Variants in CSMD3 observed in about 807,000 individuals in gnomAD.
The protein encoded by CSMD3 is CUB and Sushi multiple domains 3.
In CSMD3, 177 loss-of-function variants were observed where a neutral mutation model predicts 435.2. The ratio of observed to expected loss-of-function variants is 0.41; its 90% CI spans 0.36 to 0.46. The LOEUF is 0.46. CSMD3 is among the 20% of genes least tolerant of loss of function. The pLI, the probability that CSMD3 is intolerant of heterozygous loss-of-function variation, is 0.34. For missense variants in CSMD3, 4,265 were observed against 4,504.6 expected (o/e 0.95, Z 1.52); for synonymous variants, 1,656 against 1,520.5 (o/e 1.09, Z -2.07).
chr8:113,138,942 GT>G (rs1452861990), intron 4 of CSMD3, among the ~76,000 whole-genome samples: 2 of 150,724 alleles, frequency 1.3e-5, no homozygotes, highest in Non-Finnish European at 3.0e-5. Flanking sequence ...ATTGTATTAT[GT>G]TTACAAATAC....
chr8:112,722,603 G>C (rs1158180590), intron 13 of CSMD3, among the ~76,000 whole-genome samples: 1 of 152,024 alleles, frequency 6.6e-6, no homozygotes, highest in Non-Finnish European at 1.5e-5. Flanking sequence ...AGTGTAGGAG[G>C]GAGAAAGAGT....
intron 12 of CSMD3, among the ~76,000 whole-genome samples, chr8:112,811,282 T>C (rs1223425790): frequency 6.6e-6 from 1 of 152,048 alleles, no homozygotes; most frequent in Non-Finnish European, 1.5e-5. Context: ...AAAAATTTTC[T>C]TGAAATTATA....
At chr8:113,156,777 T>TACAA (rs143875565) in intron 4 of CSMD3, among the ~76,000 whole-genome samples, 1,844 of 144,618 alleles carry the variant, frequency 0.013, 49 homozygotes, top group Middle Eastern at 0.017. Context: ...AATAAATAAA[T>TACAA]AAAGTTAGCC....
chr8:112,791,588 T>C (rs1053753088), intron 13 of CSMD3, among the ~76,000 whole-genome samples: 1 of 152,156 alleles, frequency 6.6e-6, no homozygotes, highest in Non-Finnish European at 1.5e-5. Flanking sequence ...TGATGAGTAG[T>C]ATTCTATTGT....
At chr8:113,130,965 AT>A (rs1224536885) in intron 4 of CSMD3, among the ~76,000 whole-genome samples, 1 of 152,156 alleles carries the variant, frequency 6.6e-6, no homozygotes, top group Non-Finnish European at 1.5e-5. Context: ...GGAACTTTGA[AT>A]TTGAGAGAGA....
At chr8:113,382,476 T>C (rs1193408503) in intron 1 of CSMD3, among the ~76,000 whole-genome samples, 1 of 152,182 alleles carries the variant, frequency 6.6e-6, no homozygotes, top group East Asian at 1.9e-4. Context: ...TTCATTTTTG[T>C]AATACTTTTG....
intron 50 of CSMD3, among the ~76,000 whole-genome samples, chr8:112,309,463 TTA>T: frequency 6.6e-6 from 1 of 151,964 alleles, no homozygotes; most frequent in East Asian, 1.9e-4. Flanking sequence ...TAAGCTTATT[TTA>T]TATCTTTTAA....
At chr8:113,193,604 AC>A (rs1159298157) in intron 3 of CSMD3, among the ~76,000 whole-genome samples, 5 of 151,452 alleles carry the variant, frequency 3.3e-5, no homozygotes, top group African/African-American at 1.2e-4. Context: ...CCATTTAAAA[AC>A]AATTTAATGT....
intron 28 of CSMD3, among the ~76,000 whole-genome samples, chr8:112,513,496 C>T (rs1354640859): frequency 6.6e-6 from 1 of 151,936 alleles, no homozygotes; most frequent in Non-Finnish European, 1.5e-5. Context: ...TTTGTGGCAC[C>T]CCAAAACAAT....
intron 5 of CSMD3, among the ~76,000 whole-genome samples, chr8:113,070,100 C>T (rs1418583847): frequency 6.6e-6 from 1 of 152,042 alleles, no homozygotes; most frequent in Admixed American, 6.6e-5. Flanking sequence ...ATAATTGTTA[C>T]ACTTCTAGCC....
intron 10 of CSMD3, among the ~76,000 whole-genome samples, chr8:112,874,601 T>G (rs1283414797): frequency 6.6e-6 from 1 of 152,184 alleles, no homozygotes; most frequent in African/African-American, 2.4e-5. Context: ...TGGGTGCATA[T>G]ATATTTAGGA....
intron 3 of CSMD3, among the ~76,000 whole-genome samples, chr8:113,199,650 A>G (rs1175508895): frequency 6.6e-6 from 1 of 151,752 alleles, no homozygotes; most frequent in African/African-American, 2.4e-5. Flanking sequence ...GGGAAAATAG[A>G]GGCCCAAAGA....
intron 35 of CSMD3, among the ~76,000 whole-genome samples, chr8:112,401,892 T>A (rs1831376133): frequency 6.6e-6 from 1 of 152,156 alleles, no homozygotes; most frequent in Admixed American, 6.6e-5. Flanking sequence ...ACATTTTCCA[T>A]ATAATAACTT....
At chr8:112,290,051 G>A in intron 56 of CSMD3, among the ~76,000 whole-genome samples, 1 of 152,034 alleles carries the variant, frequency 6.6e-6, no homozygotes. Flanking sequence ...TTAATATATA[G>A]TCTAGAATCA....
At chr8:112,812,541 C>G (rs1376188847) in intron 12 of CSMD3, among the ~76,000 whole-genome samples, 2 of 152,126 alleles carry the variant, frequency 1.3e-5, no homozygotes, top group South Asian at 2.1e-4. Context: ...TCATTCCTGC[C>G]CTTAAAGTTT....
chr8:113,033,798 TG>T, intron 5 of CSMD3, among the ~76,000 whole-genome samples: 1 of 151,508 alleles, frequency 6.6e-6, no homozygotes, highest in African/African-American at 2.4e-5. Flanking sequence ...TATTTGGCTC[TG>T]TATCCCCAAC....
At chr8:112,294,216 C>A (rs1354358785) in intron 54 of CSMD3, among the ~76,000 whole-genome samples, 1 of 151,942 alleles carries the variant, frequency 6.6e-6, no homozygotes, top group African/African-American at 2.4e-5. Context: ...AATTTCTATA[C>A]GTTTCTGTGG....
intron 11 of CSMD3, among the ~76,000 whole-genome samples, chr8:112,836,693 C>A (rs1423269091): frequency 6.6e-6 from 1 of 151,790 alleles, no homozygotes; most frequent in Non-Finnish European, 1.5e-5. Context: ...ATGTCCAGAA[C>A]CTAGGAACGG....
intron 3 of CSMD3, among the ~76,000 whole-genome samples, chr8:113,216,433 G>A (rs773015540): frequency 1.6e-4 from 24 of 151,902 alleles, no homozygotes; most frequent in Non-Finnish European, 3.1e-4. Context: ...TATGAGGTAT[G>A]AGTGATGTTG....
Sources: allele counts gnomAD v4.1 joint callset (sites outside exome capture counted in the v4.1 genomes callset), GRCh38; gene constraint gnomAD v4.1.1; transcripts MANE v1.5; gene names NCBI Gene and HGNC (gene_info 2026-07-23, HGNC 2026-07-21).